The following ABCA12 variants were observed in gnomAD, a reference collection of about 807,000 sequenced individuals.
ABCA12 encodes the protein glucosylceramide transporter ABCA12.
Under a neutral mutation model 293.5 loss-of-function variants are expected in ABCA12, and 156 were observed. The observed-to-expected ratio is 0.53, with a 90% CI of 0.47 to 0.61. The LOEUF is 0.61. Among genes scored for constraint, ABCA12 ranks in the 20% least tolerant of loss-of-function variants. The pLI, the probability that ABCA12 is intolerant of heterozygous loss-of-function variation, is 0.00. For synonymous variants in ABCA12, 1,063 were observed against 1,108.0 expected, an observed-to-expected ratio of 0.96 and a Z score of 0.81; for missense variants, 2,797 against 3,090.2, an observed-to-expected ratio of 0.91 and a Z score of 2.25.
At chr2:215,118,284 C>T (rs1230315372) in intron 1 of ABCA12, among the ~76,000 whole-genome samples, 1 of 152,114 alleles carries the variant, frequency 6.6e-6, no homozygotes, top group African/African-American at 2.4e-5. Flanking sequence ...CGCTTTTAGT[C>T]TCAGCTACTG....
At chr2:214,975,227 G>T (rs989672719) in intron 34 of ABCA12, among the ~76,000 whole-genome samples, 3 of 152,160 alleles carry the variant, frequency 2.0e-5, no homozygotes, top group Non-Finnish European at 2.9e-5. Context: ...GCCTCCCAAG[G>T]TTCTAGGATT....
At chr2:215,092,112 T>C (rs1287650862) in intron 2 of ABCA12, among the ~76,000 whole-genome samples, 1 of 151,952 alleles carries the variant, frequency 6.6e-6, no homozygotes. Flanking sequence ...ATCACAGACG[T>C]TTTTGGTAAC....
In ABCA12 at chr2:214,948,651, T is replaced by C; in HGVS notation, c.7049A>G (p.Glu2350Gly). The C allele has an allele frequency of 6.2e-7, 1 of 1,614,098 alleles. No individual in the cohort carries two copies. ...TACCCTGGCATAGAAATACAAATGT[T>C]CTTCCACAGTTACCAGGTCATCTAA... ...DALDDLVTVEEHLYFYARVHG... is the reference protein window; with the variant it reads ...DALDDLVTVEGHLYFYARVHG... Residue 2350 changes from glutamate to glycine, a missense_variant, in exon 47 of 53, where the codon GAA becomes GGA. Around this residue, in one of 3 missense-constraint regions of ABCA12, gnomAD observed 2,130 missense variants for 2,427.0 expected, o/e 0.88. Coordinates refer to ENST00000272895, the MANE Select transcript of ABCA12 (RefSeq NM_173076.3).
At chr2:214,979,349 G>A (rs1041806121) in intron 31 of ABCA12, among the ~76,000 whole-genome samples, 11 of 151,962 alleles carry the variant, frequency 7.2e-5, no homozygotes, top group African/African-American at 2.4e-4. Flanking sequence ...CCTTGCAACT[G>A]GTGGTCCTAT....
At position 214,978,476 on chromosome 2, in the gene ABCA12, G is replaced by T. The variant is rs1036919847; in HGVS notation, c.4978-10C>A. ...TCAAGTTCAGAAAGACCTAGAAAGA[G>T]AAGCCAGATCACTTCATTAACATGA... On this transcript the variant is annotated splice_polypyrimidine_tract_variant and intron_variant, in intron 32 of 52. Coordinates refer to ENST00000272895, the MANE Select transcript of ABCA12 (RefSeq NM_173076.3). The T allele has an allele frequency of 6.2e-7, 1 of 1,612,724 alleles. No homozygotes were observed. The highest frequency in any genetic ancestry group is 1.7e-5 in the Admixed American group (1 of 59,914).
chr2:215,049,641 G>A lies in ABCA12; in HGVS notation c.678C>T (p.Asn226=). ...CTACACTCACCTGGGAGAACTGTTT[G>A]TTTAGTTCTTGGAGAGAAGACTCTA... ...TLLESSLQEL[N]KQFSQLSSDP... is the part of the protein sequence containing the mutation. The change falls in exon 6 of 53, where the codon AAC becomes AAT. Residue 226 remains asparagine (N), a synonymous_variant. Coordinates refer to ENST00000272895, the MANE Select transcript of ABCA12 (RefSeq NM_173076.3). 1 of 1,613,270 alleles carries A rather than the reference G, an allele frequency of 6.2e-7. No homozygotes were observed. Among genetic ancestry groups the A allele is most frequent in the Non-Finnish European group, 8.5e-7 (1 of 1,179,452 alleles).
At chr2:214,981,374 C>G (rs1699648804) in intron 30 of ABCA12, among the ~76,000 whole-genome samples, 1 of 152,076 alleles carries the variant, frequency 6.6e-6, no homozygotes, top group East Asian at 1.9e-4. Flanking sequence ...CTGATTATTC[C>G]ACTCCACTCT....
chr2:215,099,806 C>T (rs748390412), intron 2 of ABCA12, among the ~76,000 whole-genome samples: 56 of 151,962 alleles, frequency 3.7e-4, no homozygotes, highest in Non-Finnish European at 7.4e-4. Flanking sequence ...ATAACTAATA[C>T]AGCCTGTGAT....
intron 1 of ABCA12, among the ~76,000 whole-genome samples, chr2:215,128,197 T>G (rs1702969581): frequency 6.6e-6 from 1 of 152,198 alleles, no homozygotes. Flanking sequence ...CCTTTATAGG[T>G]TACCTGGTGC....
intron 2 of ABCA12, among the ~76,000 whole-genome samples, chr2:215,110,662 A>C (rs956905876): frequency 6.6e-6 from 1 of 152,222 alleles, no homozygotes; most frequent in Non-Finnish European, 1.5e-5. Context: ...AAATTCTGCT[A>C]TGGTTCTCAT....
intron 2 of ABCA12, among the ~76,000 whole-genome samples, chr2:215,091,510 T>C (rs536606196): frequency 3.3e-5 from 5 of 152,328 alleles, no homozygotes; most frequent in East Asian, 1.9e-4. Context: ...GCCCAGTTCA[T>C]GGCTCATTTG....
intron 17 of ABCA12, 107 bp from the exon 18 acceptor site, chr2:215,010,577 C>G (rs541181462): frequency 1.7e-5 from 21 of 1,204,322 alleles, no homozygotes; most frequent in Non-Finnish European, 2.4e-5. Context: ...AATACATGCT[C>G]TAGTACTTCC....
At chr2:215,026,198 G>T (rs1194215460) in intron 10 of ABCA12, among the ~76,000 whole-genome samples, 2 of 152,056 alleles carry the variant, frequency 1.3e-5, no homozygotes, top group East Asian at 1.9e-4. Context: ...TGTGCTATTT[G>T]CTTGCCATTA....
At chr2:215,013,439 T>C (rs1700418480) in intron 15 of ABCA12, 1 of 152,380 alleles carries the variant, frequency 6.6e-6, no homozygotes, top group South Asian at 2.1e-4. Context: ...TGTGTTCATA[T>C]CTCCCACACC....
chr2:215,134,462 GCA>G (rs1559213981), intron 1 of ABCA12, among the ~76,000 whole-genome samples: 24 of 132,514 alleles, frequency 1.8e-4, no homozygotes, highest in African/African-American at 6.0e-4. Flanking sequence ...GTACATATAT[GCA>G]TATGTGTATG....
At chr2:215,018,213 C>T (rs913217515) in intron 13 of ABCA12, 81 bp from the exon 14 acceptor site, 1 of 1,543,878 alleles carries the variant, frequency 6.5e-7, no homozygotes, top group African/African-American at 1.4e-5. Context: ...ATAGAGAAAC[C>T]TTCTAGACTA....
intron 2 of ABCA12, among the ~76,000 whole-genome samples, chr2:215,074,819 G>A (rs1701803656): frequency 6.6e-6 from 1 of 152,012 alleles, no homozygotes; most frequent in Non-Finnish European, 1.5e-5. Context: ...GTGCGTGCCT[G>A]TAGTCCCAGC....
chr2:215,026,766 T>C (rs945172992), intron 10 of ABCA12, 54 bp downstream of exon 10: 57 of 1,451,924 alleles, frequency 3.9e-5, no homozygotes, highest in Admixed American at 8.4e-5. Flanking sequence ...CTCACTACTT[T>C]AGAACAGAGG....
chr2:214,955,166 A>C (rs746898360), intron 43 of ABCA12, 36 bp downstream of exon 43: 2 of 1,609,282 alleles, frequency 1.2e-6, no homozygotes, highest in Non-Finnish European at 1.7e-6. Flanking sequence ...AACATGTTGA[A>C]GCTTTTGATA....
Sources: gnomAD v4.1 joint callset for allele counts (sites outside exome capture counted in the v4.1 genomes callset) on GRCh38, gnomAD v4.1.1 for gene constraint, gnomAD v4.1.1 regional missense constraint, MANE v1.5 for transcripts, NCBI Gene and HGNC (gene_info 2026-07-23, HGNC 2026-07-21) for gene names.